Variants in IQCJ observed in about 807,000 individuals in gnomAD.
IQCJ encodes the protein IQ domain-containing protein J.
IQCJ carries 9 observed loss-of-function variants against 11.0 expected under a neutral mutation model. The observed-to-expected ratio is 0.82, with a 90% CI of 0.49 to 1.43. IQCJ has a LOEUF of 1.43. Ranked by LOEUF, IQCJ falls within the 40% of genes most tolerant of loss-of-function variation. IQCJ has a pLI of 0.00. For missense variants in IQCJ, 146 were observed against 133.2 expected, an observed-to-expected ratio of 1.10 and a Z score of -0.47; for synonymous variants, 55 against 51.3, an observed-to-expected ratio of 1.07 and a Z score of -0.31.
At chr3:159,119,871 C>T (rs1419980643) in intron 1 of IQCJ, among the ~76,000 whole-genome samples, 1 of 152,130 alleles carries the variant, frequency 6.6e-6, no homozygotes, top group Non-Finnish European at 1.5e-5. Flanking sequence ...ACTACCATCA[C>T]CTGTTTTCTG....
chr3:159,264,468 C>T (rs144108605), downstream of IQCJ, among the ~76,000 whole-genome samples: 1 of 152,140 alleles, frequency 6.6e-6, no homozygotes, highest in East Asian at 1.9e-4. Context: ...AAGATATTTC[C>T]TCCCTCAAAT....
chr3:159,199,863 T>A (rs1442050795), intron 1 of IQCJ, among the ~76,000 whole-genome samples: 1 of 151,786 alleles, frequency 6.6e-6, no homozygotes, highest in African/African-American at 2.4e-5. Flanking sequence ...AGCAGCATAG[T>A]ATAGTGGCTA....
At chr3:159,101,009 G>T (rs7428954) in intron 1 of IQCJ, among the ~76,000 whole-genome samples, 2,767 of 16,140 alleles carry the variant, frequency 0.17, 324 homozygotes, top group South Asian at 0.36. Flanking sequence ...TGCTGTGCTA[G>T]CAATCAGCGA....
At chr3:159,226,632 T>C (rs1725869796) in intron 1 of IQCJ, among the ~76,000 whole-genome samples, 1 of 152,204 alleles carries the variant, frequency 6.6e-6, no homozygotes, top group African/African-American at 2.4e-5. Context: ...TACTTTTAAA[T>C]AAAGAGTTTT....
rs143614084 is a variant in IQCJ, at chr3:159,144,028, A to G, written c.9+74587A>G. Among the ~76,000 whole-genome samples, 609 of 152,282 alleles carry G rather than the reference A, an allele frequency of 4.0e-3. 5 individuals carry two copies. The highest frequency in any genetic ancestry group is 0.013 in the African/African-American group (543 of 41,552). On this transcript the variant is annotated intron_variant, in intron 1 of 3. Transcript: ENST00000397832. ...TGTGCCCTCAAGTCCTTTTATAAGC[A>G]TACTAATCGATTCATGAGGGTGCAG...
chr3:159,154,517 G>A (rs184918696), intron 1 of IQCJ, among the ~76,000 whole-genome samples: 137 of 151,912 alleles, frequency 9.0e-4, no homozygotes, highest in Admixed American at 1.6e-3. Context: ...GAGACTTCTC[G>A]AATACTATGT....
At chr3:159,092,107 C>A (rs1717355345) in intron 1 of IQCJ, among the ~76,000 whole-genome samples, 1 of 151,762 alleles carries the variant, frequency 6.6e-6, no homozygotes. Context: ...CATCACCTTC[C>A]CCAACCTAGC....
chr3:159,211,267 G>A (rs1724935780), intron 1 of IQCJ, among the ~76,000 whole-genome samples: 1 of 152,202 alleles, frequency 6.6e-6, no homozygotes, highest in South Asian at 2.1e-4. Flanking sequence ...AAGTAGATAA[G>A]CATTGGTTCA....
intron 1 of IQCJ, among the ~76,000 whole-genome samples, chr3:159,237,779 A>G (rs972329190): frequency 6.6e-6 from 1 of 152,228 alleles, no homozygotes; most frequent in African/African-American, 2.4e-5. Flanking sequence ...CAGGTCCTTG[A>G]GTAGTGACAG....
intron 1 of IQCJ, among the ~76,000 whole-genome samples, chr3:159,203,149 T>G (rs1300218514): frequency 6.6e-6 from 1 of 150,540 alleles, no homozygotes; most frequent in South Asian, 2.1e-4. Flanking sequence ...TCCTCCTTCA[T>G]TCAAGATGTA....
chr3:159,125,759 A>G (rs957274077), intron 1 of IQCJ, among the ~76,000 whole-genome samples: 1 of 152,216 alleles, frequency 6.6e-6, no homozygotes, highest in Admixed American at 6.5e-5. Flanking sequence ...CAACATTCCA[A>G]ATTTCAAGTT....
intron 1 of IQCJ, among the ~76,000 whole-genome samples, chr3:159,120,358 T>C (rs1413978229): frequency 6.6e-6 from 1 of 152,206 alleles, no homozygotes; most frequent in East Asian, 1.9e-4. Context: ...GGCTTCTCCT[T>C]TTGCATGGTT....
intron 1 of IQCJ, among the ~76,000 whole-genome samples, chr3:159,226,379 G>A (rs552722423): frequency 6.6e-6 from 1 of 152,260 alleles, no homozygotes; most frequent in East Asian, 1.9e-4. Flanking sequence ...GGTCTTAGAA[G>A]TTCTTATGTA....
chr3:159,200,668 C>T (rs533325037), intron 1 of IQCJ, among the ~76,000 whole-genome samples: 2 of 152,258 alleles, frequency 1.3e-5, no homozygotes, highest in South Asian at 4.1e-4. Context: ...GATTCAAAGT[C>T]CTGGAAGAGA....
intron 1 of IQCJ, among the ~76,000 whole-genome samples, chr3:159,205,741 C>G (rs1724620966): frequency 6.6e-6 from 1 of 152,098 alleles, no homozygotes; most frequent in Non-Finnish European, 1.5e-5. Context: ...GAGGGGTTTG[C>G]TTCATGTGAG....
chr3:159,079,777 T>A (rs2108055717), intron 1 of IQCJ, among the ~76,000 whole-genome samples: 1 of 152,250 alleles, frequency 6.6e-6, no homozygotes. Context: ...AGACATTCCA[T>A]AATTTAATCT....
At chr3:159,227,004 T>C (rs1194149176) in intron 1 of IQCJ, among the ~76,000 whole-genome samples, 1 of 152,220 alleles carries the variant, frequency 6.6e-6, no homozygotes, top group African/African-American at 2.4e-5. Context: ...GCACACACAG[T>C]AGATTGCTTC....
chr3:159,263,399 T>C lies in IQCJ; in HGVS notation c.*668T>C, dbSNP rs1049199753. 2.1e-6 allele frequency: 2 copies of C among 973,226 alleles called. No individual in the cohort carries two copies. The highest frequency in any genetic ancestry group is 2.4e-6 in the Non-Finnish European group (2 of 819,000). 60.3% of individuals were successfully genotyped at this position (973,226 alleles called of 1,614,324 possible). A position where few individuals can be genotyped will look rare whatever the true frequency, so the allele number is the denominator to read the frequency against. On this transcript the variant is annotated 3_prime_UTR_variant, in exon 4 of 4. Coordinates refer to ENST00000397832, the MANE Select transcript of IQCJ (RefSeq NM_001042706.3). ...ACCTACAGGCCACCAGTTTAAGAAA[T>C]CTGAGATAGAGAGTTAAGGAATAAG...
At chr3:159,091,912 A>G (rs1294643641) in intron 1 of IQCJ, among the ~76,000 whole-genome samples, 1 of 151,892 alleles carries the variant, frequency 6.6e-6, no homozygotes, top group Non-Finnish European at 1.5e-5. Context: ...ATAAATGTAG[A>G]AGGAATAATA....
Sources: allele counts gnomAD v4.1 joint callset (sites outside exome capture counted in the v4.1 genomes callset), GRCh38; gene constraint gnomAD v4.1.1; transcripts MANE v1.5; gene names NCBI Gene and HGNC (gene_info 2026-07-23, HGNC 2026-07-21).